Variants in RBBP7 observed in about 807,000 individuals in gnomAD.
RBBP7 encodes RB binding protein 7, chromatin remodeling factor, also known as histone-binding protein RBBP7.
Under a neutral mutation model 35.2 loss-of-function variants are expected in RBBP7, and 5 were observed. The observed-to-expected ratio is 0.14, with a 90% CI of 0.07 to 0.30. RBBP7 has a LOEUF of 0.30. Among genes scored for constraint, RBBP7 ranks in the 10% least tolerant of loss-of-function variants. RBBP7 has a pLI of 1.00. For synonymous variants in RBBP7, 140 were observed against 118.7 expected (o/e 1.18, Z -1.17); for missense variants, 155 against 327.5 (o/e 0.47, Z 4.07).
chrX:16,863,838 G>A (rs1223852188), intron 2 of RBBP7, among the ~76,000 whole-genome samples: 1 of 111,397 alleles, frequency 9.0e-6, no homozygotes, highest in Non-Finnish European at 1.9e-5. Context: ...ACCTTGGTCC[G>A]AGCAGTGATT....
At chrX:16,867,247 C>T (rs774028248) in intron 2 of RBBP7, among the ~76,000 whole-genome samples, 2 of 111,820 alleles carry the variant, frequency 1.8e-5, no homozygotes, top group South Asian at 3.7e-4. Flanking sequence ...CCAGACAACA[C>T]GGCCCCAGTT....
rs60555681 is a variant in RBBP7, at chrX:16,852,743, C to A, written c.885+6G>T. 7.0e-3 allele frequency: 8,487 copies of A among 1,210,579 alleles called. 347 individuals carry two copies. The African/African-American group carries it at 0.12, about 18-fold the overall frequency. ...TAAACACCAAATAATGCAAAAACTT[C>A]GAAACCTTATCCGCAGAGCCGGTGG... is the stretch of plus-strand genomic sequence containing the variant. On this transcript the variant is annotated splice_donor_region_variant and intron_variant, in intron 7 of 11. Coordinates refer to ENST00000380087, the MANE Select transcript of RBBP7 (RefSeq NM_002893.4).
At chrX:16,862,042 T>C (rs1429074681) in intron 3 of RBBP7, among the ~76,000 whole-genome samples, 1 of 111,628 alleles carries the variant, frequency 9.0e-6, no homozygotes, top group Non-Finnish European at 1.9e-5. Flanking sequence ...CCTATGCAAC[T>C]AGTCCCCCAA....
At position 16,869,744 on chromosome X, in the gene RBBP7, G is replaced by A. The variant is rs1330921091; in HGVS notation, c.16+294C>T. 1.5e-5 allele frequency: 15 copies of A among 971,102 alleles called. No individual in the cohort carries two copies. In the East Asian group the frequency reaches 3.4e-4, roughly 22 times the overall value. The allele number at this position is 971,102 out of a possible 1,213,427, so 80.0% of individuals were successfully genotyped here. A position where few individuals can be genotyped will look rare whatever the true frequency, so the allele number is the denominator to read the frequency against. ...GCCGCGGCGCTCGCTTCCCAGCGGC[G>A]GGGGCCGCCTCCGCCCCGGGGCCGA... On this transcript the variant is annotated intron_variant, in intron 1 of 11. Coordinates refer to ENST00000380087, the MANE Select transcript of RBBP7 (RefSeq NM_002893.4).
intron 5 of RBBP7, among the ~76,000 whole-genome samples, chrX:16,854,885 T>C (rs1213837684): frequency 9.1e-6 from 1 of 109,647 alleles, no homozygotes; most frequent in East Asian, 2.9e-4. Context: ...TGAAAAAATA[T>C]TGCAAGGTAT....
Position 16,853,828 on chromosome X carries a change from C to A in RBBP7, c.612G>T (p.Trp204Cys). 8.7e-7 allele frequency: 1 copy of A among 1,151,437 alleles called. No homozygotes were observed. Among genetic ancestry groups the A allele is most frequent in the Non-Finnish European group, 1.2e-6 (1 of 867,781 alleles). The allele number at this position is 1,151,437 out of a possible 1,213,427, so 94.9% of individuals were successfully genotyped here. The change falls in exon 6 of 12, where the codon TGG becomes TGT. Residue 204 changes from tryptophan (W) to cysteine (C), a missense_variant. Transcript: ENST00000380087. ...CTTCTTTTGGTCCTGCGTTTATATC[C>A]CACAGACAAACAGTCTAAGAGAGAA... ...SASDDHTVCLWDINAGPKEGK... is the reference protein window; with the variant it reads ...SASDDHTVCLCDINAGPKEGK...
chrX:16,863,875 T>C (rs976894074), intron 2 of RBBP7, among the ~76,000 whole-genome samples: 3 of 111,581 alleles, frequency 2.7e-5, no homozygotes, highest in African/African-American at 9.8e-5. Flanking sequence ...TTAAAAAGGC[T>C]TTCCCATTTG....
chrX:16,851,089 A>G (rs1257952338), intron 9 of RBBP7, among the ~76,000 whole-genome samples: 1 of 105,336 alleles, frequency 9.5e-6, no homozygotes, highest in East Asian at 2.9e-4. Flanking sequence ...GCGCCACTGC[A>G]CTCCAGCCTG....
At chrX:16,847,579 TCA>T (rs1453399625) in intron 10 of RBBP7, 1 of 109,048 alleles carries the variant, frequency 9.2e-6, no homozygotes, top group Non-Finnish European at 1.9e-5. Context: ...GGACAGGGTC[TCA>T]CTCCCATTGC....
intron 9 of RBBP7, among the ~76,000 whole-genome samples, chrX:16,851,024 T>C (rs1297520688): frequency 9.2e-6 from 1 of 108,748 alleles, no homozygotes; most frequent in Non-Finnish European, 1.9e-5. Flanking sequence ...CTCGGGAAGC[T>C]GAGGCATGAG....
At chrX:16,854,744 CAGCAGAGCCCA>C (rs1429863290) in intron 5 of RBBP7, among the ~76,000 whole-genome samples, 1 of 108,603 alleles carries the variant, frequency 9.2e-6, no homozygotes, top group African/African-American at 3.3e-5. Flanking sequence ...CTTGAAACGT[CAGCAGAGCCCA>C]AGCAGAGGCC....
intron 3 of RBBP7, among the ~76,000 whole-genome samples, chrX:16,861,946 G>A (rs949654685): frequency 1.8e-5 from 2 of 111,857 alleles, no homozygotes; most frequent in African/African-American, 3.3e-5. Flanking sequence ...TTGATGACAC[G>A]TACCTTCTTT....
chrX:16,869,985 G>A, intron 1 of RBBP7, 53 bp downstream of exon 1: 5 of 756,154 alleles, frequency 6.6e-6, no homozygotes, highest in Non-Finnish European at 1.6e-6. Context: ...GCGGCCTCGC[G>A]CGCCCGCCGC....
chrX:16,858,285 T>C (rs963055796), intron 4 of RBBP7, among the ~76,000 whole-genome samples: 6 of 111,743 alleles, frequency 5.4e-5, no homozygotes, highest in African/African-American at 2.0e-4. Context: ...TCCACAAAAA[T>C]CCCAGATTCT....
chrX:16,870,168 A>G lies in RBBP7; in HGVS notation c.-115T>C. The G allele has an allele frequency of 2.2e-6, 2 of 922,729 alleles. No homozygotes were observed. Among genetic ancestry groups the G allele is most frequent in the South Asian group, 6.7e-5 (2 of 30,047 alleles). The allele number at this position is 922,729 out of a possible 1,213,427, so 76.0% of individuals were successfully genotyped here. Reference sequence around the variant, plus strand: ...AAGCGCGTCACACTCCCCACTGTCGAAAGCCCGGGCCCCGTCTTGCTGCCT... The same window carrying G: ...AAGCGCGTCACACTCCCCACTGTCGGAAGCCCGGGCCCCGTCTTGCTGCCT... On this transcript the variant is annotated 5_prime_UTR_variant, in exon 1 of 12. Coordinates refer to ENST00000380087, the MANE Select transcript of RBBP7 (RefSeq NM_002893.4).
intron 1 of RBBP7, chrX:16,869,737 C>T: frequency 1.0e-6 from 1 of 976,104 alleles, no homozygotes; most frequent in Non-Finnish European, 1.3e-6. Context: ...GCTCGCTTCC[C>T]AGCGGCGGGG....
chrX:16,850,473 A>G (rs1169835784), intron 9 of RBBP7, among the ~76,000 whole-genome samples: 5 of 113,112 alleles, frequency 4.4e-5, no homozygotes, highest in Non-Finnish European at 9.4e-5. Context: ...ACCTTGCTGT[A>G]CGCTTCATAC....
At chrX:16,849,730 T>C in intron 9 of RBBP7, among the ~76,000 whole-genome samples, 1 of 112,180 alleles carries the variant, frequency 8.9e-6, no homozygotes, top group Admixed American at 9.5e-5. Flanking sequence ...TAACTGTTTA[T>C]TGCCTTAGAA....
At chrX:16,864,054 A>G (rs1286235919) in intron 2 of RBBP7, among the ~76,000 whole-genome samples, 1 of 109,892 alleles carries the variant, frequency 9.1e-6, no homozygotes, top group Middle Eastern at 4.7e-3. Flanking sequence ...AAAAGATTGA[A>G]GATTACTTCT....
Sources: gnomAD v4.1 joint callset for allele counts (sites outside exome capture counted in the v4.1 genomes callset) on GRCh38, gnomAD v4.1.1 for gene constraint, MANE v1.5 for transcripts, NCBI Gene and HGNC (gene_info 2026-07-23, HGNC 2026-07-21) for gene names.